The following EAF1 variants were observed in gnomAD, a reference collection of about 807,000 sequenced individuals.
EAF1 encodes the protein ELL associated factor 1, also known as ELL-associated factor 1.
A neutral mutation model predicts 26.6 loss-of-function variants in EAF1; 19 were observed. That is an observed-to-expected ratio of 0.71 (90% CI 0.50 to 1.05). EAF1 has a LOEUF of 1.05. EAF1 is among the 50% of genes least tolerant of loss of function. EAF1 has a pLI of 0.00. For missense variants in EAF1, 260 were observed against 335.5 expected, an observed-to-expected ratio of 0.78 and a Z score of 1.76; for synonymous variants, 102 against 120.6, an observed-to-expected ratio of 0.85 and a Z score of 1.01.
intron 5 of EAF1, among the ~76,000 whole-genome samples, chr3:15,437,246 CTTTTT>C (rs71045159): frequency 8.3e-6 from 1 of 120,460 alleles, no homozygotes; most frequent in Admixed American, 8.6e-5. Flanking sequence ...AGTGTGGTGG[CTTTTT>C]TTTTTTTTTT....
At chr3:15,431,742 GA>G (rs2061803359) in intron 2 of EAF1, among the ~76,000 whole-genome samples, 1 of 152,294 alleles carries the variant, frequency 6.6e-6, no homozygotes, top group Non-Finnish European at 1.5e-5. Context: ...TAATGACAAA[GA>G]AATAGAGATC....
chr3:15,432,279 T>C (rs2061806604), intron 3 of EAF1, 56 bp downstream of exon 3: 9 of 1,596,716 alleles, frequency 5.6e-6, no homozygotes, highest in Non-Finnish European at 8.5e-7. Flanking sequence ...CTGTTATCTA[T>C]TCAGTTTTTA....
intron 5 of EAF1, 35 bp from the exon 6 acceptor site, chr3:15,439,074 T>C: frequency 1.3e-6 from 2 of 1,579,492 alleles, no homozygotes; most frequent in South Asian, 2.3e-5. Context: ...TTTTGTTTGA[T>C]TCTATGATTT....
At chr3:15,433,248 A>C (rs1404327619) in intron 3 of EAF1, 1 of 153,020 alleles carries the variant, frequency 6.5e-6, no homozygotes, top group African/African-American at 2.4e-5. Context: ...AAAAAAAAAA[A>C]AAAAAAAAGG....
intron 2 of EAF1, 137 bp from the exon 3 acceptor site, chr3:15,431,950 A>C: frequency 2.0e-6 from 2 of 1,009,400 alleles, no homozygotes; most frequent in Non-Finnish European, 1.4e-6. Flanking sequence ...GAAGGAGATA[A>C]AATAGAAATC....
chr3:15,435,669 A>T (rs540476769), intron 4 of EAF1, among the ~76,000 whole-genome samples: 20 of 152,188 alleles, frequency 1.3e-4, no homozygotes, highest in Non-Finnish European at 2.5e-4. Flanking sequence ...TTGATATTTT[A>T]TATCTGTAAA....
At chr3:15,434,911 G>C (rs2061825697) in intron 4 of EAF1, among the ~76,000 whole-genome samples, 1 of 152,170 alleles carries the variant, frequency 6.6e-6, no homozygotes, top group South Asian at 2.1e-4. Context: ...ACCTTTCTGA[G>C]CTCTACATTA....
chr3:15,427,610 C>T lies in EAF1; in HGVS notation c.-170C>T, dbSNP rs1424669436. ...CCTCCTCAGATTCCTCTCTCACCCC[C>T]ACGCAGAGGAGAGAACTTGCTTCTG... On this transcript the variant is annotated 5_prime_UTR_variant, in exon 1 of 6. Coordinates refer to ENST00000396842, the MANE Select transcript of EAF1 (RefSeq NM_033083.7). 6.3e-6 allele frequency: 4 copies of T among 633,464 alleles called. No homozygotes were observed. Among genetic ancestry groups the T allele is most frequent in the South Asian group, 1.9e-5 (1 of 53,598 alleles). The allele number at this position is 633,464 out of a possible 1,614,324, so 39.2% of individuals were successfully genotyped here. A position where few individuals can be genotyped will look rare whatever the true frequency, so the allele number is the denominator to read the frequency against.
At position 15,439,153 on chromosome 3, in the gene EAF1, T is replaced by A. The variant is rs760046118; in HGVS notation, c.805T>A (p.Ter269LysextTer53). 6.2e-7 allele frequency: 1 copy of A among 1,612,920 alleles called. No individual in the cohort carries two copies. Among genetic ancestry groups the A allele is most frequent in the Admixed American group, 1.7e-5 (1 of 59,950 alleles). ...LSESGSDSDD* is the reference protein window; with the variant it reads ...LSESGSDSDDK ...TGAGTCTGGCAGTGACAGTGATGAC[T>A]AGTGCTGGATCTTTCGAAACCTACT... Residue 269 changes from the stop codon to lysine, a stop_lost, in exon 6 of 6, where the codon TAG (stop) becomes AAG (lysine). Coordinates refer to ENST00000396842, the MANE Select transcript of EAF1 (RefSeq NM_033083.7).
rs940238497 is a variant in EAF1, at chr3:15,439,220, G to A, written c.*65G>A. 6.5e-6 allele frequency: 10 copies of A among 1,533,576 alleles called. No homozygotes were observed. The highest frequency in any genetic ancestry group is 2.4e-5 in the South Asian group (2 of 84,000). The allele number at this position is 1,533,576 out of a possible 1,614,324, so 95.0% of individuals were successfully genotyped here. A position where few individuals can be genotyped will look rare whatever the true frequency, so the allele number is the denominator to read the frequency against. ...TGCCGCAAGACTGAGCTACTTTGGC[G>A]TGGAGTCCATTGCAAGAGGAAAATG... On this transcript the variant is annotated 3_prime_UTR_variant, in exon 6 of 6. Coordinates refer to ENST00000396842, the MANE Select transcript of EAF1 (RefSeq NM_033083.7).
At position 15,429,920 on chromosome 3, in the gene EAF1, T is replaced by C; in HGVS notation, c.111T>C (p.Phe37=). Residue 37 remains phenylalanine, a synonymous_variant, in exon 2 of 6, where the codon TTT becomes TTC. Coordinates refer to ENST00000396842, the MANE Select transcript of EAF1 (RefSeq NM_033083.7). ...RASFHTIRYD[F]KPASIDTSCE... ...TTTTTCCTTTCCCTTTAGATGATTTTAAACCAGCATCTATAGACACTTCCT... is the reference window on the plus strand; with the variant it reads ...TTTTTCCTTTCCCTTTAGATGATTTCAAACCAGCATCTATAGACACTTCCT... The C allele has an allele frequency of 6.2e-7, 1 of 1,613,030 alleles. No individual in the cohort carries two copies. Among genetic ancestry groups the C allele is most frequent in the Non-Finnish European group, 8.5e-7 (1 of 1,179,376 alleles).
intron 1 of EAF1, 139 bp from the exon 2 acceptor site, chr3:15,429,769 TAACGA>T: frequency 1.6e-6 from 1 of 636,460 alleles, no homozygotes; most frequent in Non-Finnish European, 2.7e-6. Flanking sequence ...AAGTTTTCCA[TAACGA>T]AACAGTTTTT....
chr3:15,439,197 C>A lies in EAF1; in HGVS notation c.*42C>A, dbSNP rs1180142568. 6.3e-7 allele frequency: 1 copy of A among 1,598,350 alleles called. No individual in the cohort carries two copies. The highest frequency in any genetic ancestry group is 8.5e-7 in the Non-Finnish European group (1 of 1,170,262). On this transcript the variant is annotated 3_prime_UTR_variant, in exon 6 of 6. Transcript: ENST00000396842. ...ACCTACTTTTTGGTGCACAAACATG[C>A]CGCAAGACTGAGCTACTTTGGCGTG...
intron 4 of EAF1, among the ~76,000 whole-genome samples, chr3:15,435,805 C>G (rs1462260237): frequency 6.6e-6 from 1 of 152,120 alleles, no homozygotes; most frequent in Non-Finnish European, 1.5e-5. Flanking sequence ...ATTTATGGGA[C>G]ATGAGAGCTG....
rs1275451751 is a variant in EAF1 at position 15,439,751 on chromosome 3, C to T, written c.*596C>T. On this transcript the variant is annotated 3_prime_UTR_variant, in exon 6 of 6. Coordinates refer to ENST00000396842, the MANE Select transcript of EAF1 (RefSeq NM_033083.7). Reference sequence around the variant, plus strand: ...TGAGGACCATGGAGTCCTGCCAGCTCAACCTGTCATTTACAGACTAAGAAA... The same window carrying T: ...TGAGGACCATGGAGTCCTGCCAGCTTAACCTGTCATTTACAGACTAAGAAA... 6.6e-6 allele frequency: 1 copy of T among 152,264 alleles called. No individual in the cohort carries two copies. The allele number at this position is 152,264 out of a possible 1,614,324, so 9.4% of individuals were successfully genotyped here.
At chr3:15,428,103 TCA>T (rs2061767156) in intron 1 of EAF1, among the ~76,000 whole-genome samples, 1 of 152,048 alleles carries the variant, frequency 6.6e-6, no homozygotes, top group Non-Finnish European at 1.5e-5. Flanking sequence ...TTCTTCTACC[TCA>T]CAGTCTCAAA....
chr3:15,438,480 C>T (rs956512719), intron 5 of EAF1, among the ~76,000 whole-genome samples: 62 of 151,224 alleles, frequency 4.1e-4, no homozygotes, highest in Middle Eastern at 3.4e-3. Context: ...TCAGTTCTTC[C>T]GAATGGTGAT....
chr3:15,439,149 T>G lies in EAF1; in HGVS notation c.801T>G (p.Asp267Glu). 1.2e-6 allele frequency: 2 copies of G among 1,613,496 alleles called. No homozygotes were observed. The highest frequency in any genetic ancestry group is 1.7e-6 in the Non-Finnish European group (2 of 1,179,746). Residue 267 changes from aspartate to glutamate, a missense_variant, in exon 6 of 6, where the codon GAT becomes GAG. Asp to Glu is a conservative substitution (Grantham distance 45, BLOSUM62 2). Transcript: ENST00000396842. ...LQLSESGSDSDD is the reference protein window; with the variant it reads ...LQLSESGSDSED ...TGAGTGAGTCTGGCAGTGACAGTGA[T>G]GACTAGTGCTGGATCTTTCGAAACC... is the stretch of plus-strand genomic sequence containing the variant.
chr3:15,428,007 C>G, intron 1 of EAF1, 125 bp downstream of exon 1: 1 of 737,222 alleles, frequency 1.4e-6, no homozygotes, highest in Non-Finnish European at 2.2e-6. Flanking sequence ...CAGTTACTTT[C>G]TCTCGAACCC....
Sources: allele counts gnomAD v4.1 joint callset (sites outside exome capture counted in the v4.1 genomes callset), GRCh38; gene constraint gnomAD v4.1.1; transcripts MANE v1.5; gene names NCBI Gene and HGNC (gene_info 2026-07-23, HGNC 2026-07-21).